TENM3: variants seen among roughly 807,000 people sequenced by gnomAD.
The protein encoded by TENM3 is teneurin transmembrane protein 3.
TENM3 carries 63 observed loss-of-function variants against 255.1 expected under a neutral mutation model. That is an observed-to-expected ratio of 0.25 (90% CI 0.20 to 0.30). TENM3 has a LOEUF of 0.30. Ranked by LOEUF, TENM3 falls within the 10% of genes least tolerant of loss-of-function variation. The pLI is 1.00. For synonymous variants in TENM3, 1,306 were observed against 1,322.3 expected (o/e 0.99, Z 0.27); for missense variants, 2,929 against 3,461.1 (o/e 0.85, Z 3.86).
intron 25 of TENM3, among the ~76,000 whole-genome samples, chr4:182,790,537 T>C (rs1333537456): frequency 6.6e-6 from 1 of 152,166 alleles, no homozygotes; most frequent in African/African-American, 2.4e-5. Flanking sequence ...TGTAGGATGC[T>C]ACCTCTCTTA....
chr4:182,719,634 T>A (rs1296810962), intron 13 of TENM3, among the ~76,000 whole-genome samples: 1 of 151,990 alleles, frequency 6.6e-6, no homozygotes, highest in African/African-American at 2.4e-5. Context: ...AACAGGCCAT[T>A]TTTTCAAGCC....
chr4:182,458,777 C>T (rs1266098793), intron 3 of TENM3, among the ~76,000 whole-genome samples: 2 of 152,148 alleles, frequency 1.3e-5, no homozygotes, highest in African/African-American at 2.4e-5. Context: ...GTGAATGCAG[C>T]TTGCCTAAGG....
the TENM3 span, among the ~76,000 whole-genome samples, chr4:181,931,832 G>A: frequency 6.6e-6 from 1 of 152,064 alleles, no homozygotes; most frequent in Non-Finnish European, 1.5e-5. Flanking sequence ...TAGATCAATG[G>A]AACAGAACAG....
the TENM3 span, among the ~76,000 whole-genome samples, chr4:181,962,058 A>AT: frequency 1.3e-5 from 2 of 152,220 alleles, no homozygotes; most frequent in African/African-American, 4.8e-5. Flanking sequence ...TGAGATTATC[A>AT]TTTTTATCAT....
the TENM3 span, among the ~76,000 whole-genome samples, chr4:182,040,558 T>C: frequency 0.69 from 104,999 of 151,908 alleles, 37,317 homozygotes; most frequent in South Asian, 0.82. Flanking sequence ...TAGATTTCTA[T>C]TTAATCTTTT....
intron 1 of TENM3, among the ~76,000 whole-genome samples, chr4:182,149,703 G>T (rs1750206998): frequency 6.6e-6 from 1 of 152,000 alleles, no homozygotes; most frequent in African/African-American, 2.4e-5. Context: ...ACTTCCTTCA[G>T]AAAATAGGTA....
chr4:182,450,611 A>G (rs1773376125), intron 3 of TENM3, among the ~76,000 whole-genome samples: 2 of 152,220 alleles, frequency 1.3e-5, no homozygotes, highest in South Asian at 2.1e-4. Flanking sequence ...TTATACATTA[A>G]CTGAGAGACT....
the TENM3 span, among the ~76,000 whole-genome samples, chr4:181,613,234 C>T: frequency 6.6e-6 from 1 of 152,202 alleles, no homozygotes; most frequent in Non-Finnish European, 1.5e-5. Context: ...GGAGACATCT[C>T]CTTCTCCTTG....
At chr4:181,559,764 C>G in the TENM3 span, among the ~76,000 whole-genome samples, 4 of 152,166 alleles carry the variant, frequency 2.6e-5, no homozygotes, top group African/African-American at 7.2e-5. Context: ...ATTTTGTTTG[C>G]CTAGGAGGCT....
the TENM3 span, among the ~76,000 whole-genome samples, chr4:181,473,051 G>A: frequency 4.6e-5 from 7 of 152,034 alleles, no homozygotes; most frequent in East Asian, 1.4e-3. Flanking sequence ...AATGAAAGAG[G>A]AAAGTGTCAA....
At chr4:181,968,079 G>T in the TENM3 span, among the ~76,000 whole-genome samples, 2 of 152,092 alleles carry the variant, frequency 1.3e-5, no homozygotes, top group Admixed American at 6.5e-5. Flanking sequence ...TGGAGGTCCT[G>T]GTATTCCGAG....
the TENM3 span, among the ~76,000 whole-genome samples, chr4:182,033,955 T>G: frequency 4.6e-5 from 7 of 152,202 alleles, no homozygotes; most frequent in South Asian, 2.1e-4. Flanking sequence ...GATGTATTAG[T>G]CTGTTCTCAC....
chr4:182,332,356 C>A (rs543745103), intron 2 of TENM3, among the ~76,000 whole-genome samples: 1 of 152,190 alleles, frequency 6.6e-6, no homozygotes, highest in East Asian at 1.9e-4. Context: ...GTGAAGAAAT[C>A]AGGAACAAAG....
At chr4:181,663,414 G>A in the TENM3 span, among the ~76,000 whole-genome samples, 185 of 152,068 alleles carry the variant, frequency 1.2e-3, no homozygotes, top group African/African-American at 4.3e-3. Context: ...CTAATGTTAC[G>A]GTTTTTAAAA....
the TENM3 span, among the ~76,000 whole-genome samples, chr4:182,024,710 T>G: frequency 1.3e-5 from 2 of 152,154 alleles, no homozygotes; most frequent in Non-Finnish European, 2.9e-5. Flanking sequence ...ATTATACTCG[T>G]TATTTTAAAA....
At chr4:182,456,909 A>G (rs1773921893) in intron 3 of TENM3, among the ~76,000 whole-genome samples, 2 of 152,150 alleles carry the variant, frequency 1.3e-5, no homozygotes, top group African/African-American at 4.8e-5. Flanking sequence ...TGGGCCCGGC[A>G]TGGTGGCTCA....
At chr4:182,424,597 C>A (rs568285012) in intron 3 of TENM3, among the ~76,000 whole-genome samples, 3 of 152,020 alleles carry the variant, frequency 2.0e-5, no homozygotes, top group African/African-American at 2.4e-5. Context: ...TTTGCATCAA[C>A]CTTGCCACCA....
At chr4:182,784,209 C>T (rs367786427) in intron 24 of TENM3, among the ~76,000 whole-genome samples, 76 of 151,992 alleles carry the variant, frequency 5.0e-4, no homozygotes, top group Non-Finnish European at 6.6e-4. Flanking sequence ...TCTTTGATGA[C>T]GGTGATGTAC....
At chr4:182,600,556 C>A (rs1460394618) in intron 3 of TENM3, among the ~76,000 whole-genome samples, 1 of 151,866 alleles carries the variant, frequency 6.6e-6, no homozygotes, top group East Asian at 1.9e-4. Flanking sequence ...CATTTAATTT[C>A]AGGGTTGGTT....
Sources: allele counts gnomAD v4.1 joint callset (sites outside exome capture counted in the v4.1 genomes callset), GRCh38; gene constraint gnomAD v4.1.1; transcripts MANE v1.5; gene names NCBI Gene and HGNC (gene_info 2026-07-23, HGNC 2026-07-21).